SMAD9: variants seen among roughly 807,000 people sequenced by gnomAD.
SMAD9 encodes MAD homolog 9.
Under a neutral mutation model 46.1 loss-of-function variants are expected in SMAD9, and 36 were observed. The ratio of observed to expected loss-of-function variants is 0.78; its 90% CI spans 0.60 to 1.03. SMAD9 has a LOEUF of 1.03. Ranked by LOEUF, SMAD9 falls within the 50% of genes least tolerant of loss-of-function variation. The probability of loss-of-function intolerance (pLI) is 0.00; values close to 1 mark genes in which losing one functional copy is unlikely to be tolerated. For synonymous variants in SMAD9, 245 were observed against 237.1 expected, an observed-to-expected ratio of 1.03 and a Z score of -0.31; for missense variants, 572 against 599.8, an observed-to-expected ratio of 0.95 and a Z score of 0.48.
intron 1 of SMAD9, among the ~76,000 whole-genome samples, chr13:36,911,545 T>C (rs1005074877): frequency 6.7e-6 from 1 of 149,046 alleles, no homozygotes; most frequent in East Asian, 2.0e-4. Context: ...TTTTTAATGA[T>C]GTGTGGGCAA....
At chr13:36,900,890 A>G (rs1414646868) in intron 1 of SMAD9, among the ~76,000 whole-genome samples, 1 of 152,062 alleles carries the variant, frequency 6.6e-6, no homozygotes, top group African/African-American at 2.4e-5. Flanking sequence ...CATTTTGATC[A>G]CTCCAAAATA....
intron 1 of SMAD9, among the ~76,000 whole-genome samples, chr13:36,897,126 G>A (rs1267975522): frequency 1.3e-5 from 2 of 152,132 alleles, no homozygotes; most frequent in Non-Finnish European, 2.9e-5. Context: ...GGCCTTCACA[G>A]TTCTAATTAC....
intron 1 of SMAD9, among the ~76,000 whole-genome samples, chr13:36,915,902 A>G (rs1203307526): frequency 1.3e-5 from 2 of 152,214 alleles, no homozygotes; most frequent in Non-Finnish European, 1.5e-5. Context: ...GTACAACTGA[A>G]TATATTATAT....
At chr13:36,889,185 G>A (rs1271551360) in intron 1 of SMAD9, among the ~76,000 whole-genome samples, 1 of 152,016 alleles carries the variant, frequency 6.6e-6, no homozygotes, top group Non-Finnish European at 1.5e-5. Context: ...TCCTCAAAAC[G>A]CTTTGAAGCA....
chr13:36,873,873 A>G (rs369795169), intron 2 of SMAD9, among the ~76,000 whole-genome samples: 4 of 152,348 alleles, frequency 2.6e-5, no homozygotes, highest in Admixed American at 6.5e-5. Flanking sequence ...CAAAAAAATA[A>G]AATAAGCAGC....
chr13:36,915,710 G>T (rs1016761044), intron 1 of SMAD9, among the ~76,000 whole-genome samples: 6 of 152,204 alleles, frequency 3.9e-5, no homozygotes, highest in Non-Finnish European at 1.5e-5. Context: ...TGAGGGGGAA[G>T]AACCATAATC....
intron 5 of SMAD9, 93 bp downstream of exon 5, chr13:36,865,444 G>A (rs1593566759): frequency 9.6e-7 from 1 of 1,046,636 alleles, no homozygotes. Flanking sequence ...AGGGGCACAT[G>A]ACCAACATGT....
chr13:36,918,193 T>C (rs1228004149), intron 1 of SMAD9, among the ~76,000 whole-genome samples: 1 of 152,238 alleles, frequency 6.6e-6, no homozygotes, highest in African/African-American at 2.4e-5. Flanking sequence ...GCCAAATAGT[T>C]CATGTTGACT....
At chr13:36,856,034 G>C (rs2058120509) in intron 5 of SMAD9, among the ~76,000 whole-genome samples, 1 of 152,204 alleles carries the variant, frequency 6.6e-6, no homozygotes, top group African/African-American at 2.4e-5. Context: ...CAGGGCCTAG[G>C]TGGTGGTGCC....
chr13:36,914,125 T>C (rs1184906550), intron 1 of SMAD9, among the ~76,000 whole-genome samples: 1 of 152,216 alleles, frequency 6.6e-6, no homozygotes, highest in Non-Finnish European at 1.5e-5. Flanking sequence ...AAATATGTGA[T>C]GTCTACCTTT....
chr13:36,867,806 C>T (rs963341763), intron 3 of SMAD9, among the ~76,000 whole-genome samples: 4 of 152,106 alleles, frequency 2.6e-5, no homozygotes, highest in Non-Finnish European at 5.9e-5. Context: ...GCCACGGGGA[C>T]GCTCTATCCC....
intron 1 of SMAD9, among the ~76,000 whole-genome samples, chr13:36,907,525 A>C (rs2058628956): frequency 6.6e-6 from 1 of 152,056 alleles, no homozygotes; most frequent in South Asian, 2.1e-4. Context: ...GTTGTTTTTG[A>C]TTAGCCAGGC....
intron 5 of SMAD9, among the ~76,000 whole-genome samples, chr13:36,864,198 G>T (rs2058209890): frequency 6.6e-6 from 1 of 152,184 alleles, no homozygotes; most frequent in Non-Finnish European, 1.5e-5. Context: ...TATTTCCTTT[G>T]AGGAATGGCT....
chr13:36,865,709 G>T lies in SMAD9; in HGVS notation c.831C>A (p.Ala277=), dbSNP rs1162458627. The change falls in exon 5 of 7, where the codon GCC becomes GCA. Residue 277 remains alanine (A), a synonymous_variant. Transcript: ENST00000379826. ...CAACTCGGTTGTTCAGTTCATAGTA[G>T]GCGACCGAGCACCAGTGCTGGGGCT... ...YEEPQHWCSV[A]YYELNNRVGE... The T allele has an allele frequency of 3.1e-6, 5 of 1,614,146 alleles. No individual in the cohort carries two copies. Among genetic ancestry groups the T allele is most frequent in the Middle Eastern group, 1.6e-4 (1 of 6,062 alleles).
intron 3 of SMAD9, among the ~76,000 whole-genome samples, chr13:36,870,611 C>A (rs2058281869): frequency 6.6e-6 from 1 of 152,192 alleles, no homozygotes; most frequent in Non-Finnish European, 1.5e-5. Flanking sequence ...GGTCAGAGAC[C>A]ACAGTAGTCC....
At chr13:36,878,558 C>A (rs951675411) in intron 2 of SMAD9, among the ~76,000 whole-genome samples, 1 of 152,152 alleles carries the variant, frequency 6.6e-6, no homozygotes, top group Non-Finnish European at 1.5e-5. Context: ...TTAAGTGATA[C>A]CTGTCTGTAC....
intron 1 of SMAD9, among the ~76,000 whole-genome samples, chr13:36,909,245 A>G (rs1217549174): frequency 6.6e-6 from 1 of 152,228 alleles, no homozygotes; most frequent in Admixed American, 6.5e-5. Flanking sequence ...GGGAAGTAGA[A>G]TGGGCATTAA....
At chr13:36,889,910 C>G (rs2058476316) in intron 1 of SMAD9, among the ~76,000 whole-genome samples, 1 of 152,072 alleles carries the variant, frequency 6.6e-6, no homozygotes, top group Non-Finnish European at 1.5e-5. Context: ...GTCCTTACTC[C>G]AGCAATTCTG....
chr13:36,920,278 C>A (rs1395838945), upstream of SMAD9: 18 of 149,500 alleles, frequency 1.2e-4, no homozygotes, highest in African/African-American at 4.4e-4. Flanking sequence ...GTGCGCCGAC[C>A]TGGAAAGCGG....
Sources: gnomAD v4.1 joint callset for allele counts (sites outside exome capture counted in the v4.1 genomes callset) on GRCh38, gnomAD v4.1.1 for gene constraint, MANE v1.5 for transcripts, NCBI Gene and HGNC (gene_info 2026-07-23, HGNC 2026-07-21) for gene names.